SMAD2: variants seen among roughly 807,000 people sequenced by gnomAD.
SMAD2 encodes MAD homolog 2.
SMAD2 carries 8 observed loss-of-function variants against 64.4 expected under a neutral mutation model. The observed-to-expected ratio is 0.12, with a 90% CI of 0.07 to 0.22. SMAD2 has a LOEUF of 0.22. Ranked by LOEUF, SMAD2 falls within the 10% of genes least tolerant of loss-of-function variation. The probability of loss-of-function intolerance (pLI) is 1.00; values close to 1 mark genes in which losing one functional copy is unlikely to be tolerated. For missense variants in SMAD2, 289 were observed against 561.2 expected (o/e 0.51, Z 4.90); for synonymous variants, 203 against 195.8 (o/e 1.04, Z -0.31).
chr18:47,878,964 G>A (rs1787197), intron 2 of SMAD2, among the ~76,000 whole-genome samples: 84,798 of 151,960 alleles, frequency 0.56, 24,068 homozygotes, highest in East Asian at 0.82. Flanking sequence ...GTGAAACCCC[G>A]TCTCTATCAA....
intron 7 of SMAD2, among the ~76,000 whole-genome samples, chr18:47,850,377 A>ACAT (rs1915148936): frequency 6.4e-5 from 1 of 15,730 alleles, no homozygotes; most frequent in Non-Finnish European, 9.6e-5. Flanking sequence ...TATATATTAT[A>ACAT]TATATTATAT....
At chr18:47,929,027 G>C (rs1192216070) in intron 1 of SMAD2, among the ~76,000 whole-genome samples, 1 of 152,126 alleles carries the variant, frequency 6.6e-6, no homozygotes, top group African/African-American at 2.4e-5. Flanking sequence ...TAATATAAAC[G>C]TTTGCTAAAT....
chr18:47,811,527 G>A lies in SMAD2; in HGVS notation c.*30300C>T, dbSNP rs1280810553. 1 of 151,074 alleles carries A rather than the reference G, an allele frequency of 6.6e-6. No homozygotes were observed. Among genetic ancestry groups the A allele is most frequent in the Admixed American group, 6.6e-5 (1 of 15,170 alleles). The allele number at this position is 151,074 out of a possible 1,614,324, so 9.4% of individuals were successfully genotyped here. On this transcript the variant is annotated 3_prime_UTR_variant, in exon 11 of 11. Coordinates refer to ENST00000262160, the MANE Select transcript of SMAD2 (RefSeq NM_005901.6). ...AGGTAATTCTGAAATCCACAGCAAT[G>A]CTTCAGTGCTCCTAAGGGGCCGCTT...
At chr18:47,913,630 A>G (rs1050264898) in intron 1 of SMAD2, among the ~76,000 whole-genome samples, 2 of 152,240 alleles carry the variant, frequency 1.3e-5, no homozygotes, top group Admixed American at 6.5e-5. Context: ...TTTTTAGCCA[A>G]TATTTTTGAA....
At chr18:47,905,633 C>G (rs546131105) in intron 1 of SMAD2, among the ~76,000 whole-genome samples, 1 of 152,168 alleles carries the variant, frequency 6.6e-6, no homozygotes, top group Non-Finnish European at 1.5e-5. Flanking sequence ...CATATACAGT[C>G]AACTCATTTT....
chr18:47,870,328 G>A, intron 3 of SMAD2, 147 bp downstream of exon 3: 1 of 639,964 alleles, frequency 1.6e-6, no homozygotes. Flanking sequence ...TTTTATACTG[G>A]CAAGCAGATA....
Position 47,828,763 on chromosome 18 carries a change from T to G in SMAD2, c.*13064A>C, listed in dbSNP as rs1232763438. ...CTCGTTAAGAGTCATCACCACTCCT[T>G]AATCTCAAGTACCCAGGGACACAAA... On this transcript the variant is annotated 3_prime_UTR_variant, in exon 11 of 11. Coordinates refer to ENST00000262160, the MANE Select transcript of SMAD2 (RefSeq NM_005901.6). 1.1e-5 allele frequency: 2 copies of G among 180,872 alleles called. 1 individual carries two copies. Among genetic ancestry groups the G allele is most frequent in the African/African-American group, 4.8e-5 (2 of 41,592 alleles). The allele number at this position is 180,872 out of a possible 1,614,324, so 11.2% of individuals were successfully genotyped here.
Position 47,835,103 on chromosome 18 carries a change from TTTAC to T in SMAD2, c.*6720_*6723del. 1 of 219,648 alleles carries T rather than the reference TTTAC, an allele frequency of 4.6e-6. No homozygotes were observed. The highest frequency in any genetic ancestry group is 5.8e-5 in the Admixed American group (1 of 17,304). 13.6% of individuals were successfully genotyped at this position (219,648 alleles called of 1,614,324 possible). ...TCTTAATCGCTGTAGTTTTTCTTTC[TTTAC>T]TCTTTTGTATAAAAGGTTAGTGTCA... On this transcript the variant is annotated 3_prime_UTR_variant, in exon 11 of 11. Coordinates refer to ENST00000262160, the MANE Select transcript of SMAD2 (RefSeq NM_005901.6).
intron 1 of SMAD2, among the ~76,000 whole-genome samples, chr18:47,912,684 A>C (rs2034183728): frequency 6.6e-6 from 1 of 152,154 alleles, no homozygotes; most frequent in African/African-American, 2.4e-5. Context: ...TATCCTCAGA[A>C]CAAAACCTCT....
chr18:47,871,829 T>C (rs955197374), intron 2 of SMAD2, among the ~76,000 whole-genome samples: 2 of 152,130 alleles, frequency 1.3e-5, no homozygotes, highest in Non-Finnish European at 2.9e-5. Flanking sequence ...ATTGGAAACA[T>C]ATAGCATGAT....
intron 1 of SMAD2, among the ~76,000 whole-genome samples, chr18:47,916,538 G>T (rs2034343727): frequency 6.6e-6 from 1 of 151,980 alleles, no homozygotes; most frequent in Non-Finnish European, 1.5e-5. Context: ...CTGATTAGCT[G>T]GGATTACAGG....
chr18:47,891,261 C>T (rs1179016411), intron 2 of SMAD2, among the ~76,000 whole-genome samples: 2 of 152,162 alleles, frequency 1.3e-5, no homozygotes, highest in South Asian at 2.1e-4. Flanking sequence ...GCCGAGATCC[C>T]GCCACTGCAC....
intron 3 of SMAD2, 73 bp downstream of exon 3, chr18:47,870,402 C>G (rs2031860721): frequency 2.8e-6 from 3 of 1,065,220 alleles, no homozygotes; most frequent in Admixed American, 1.7e-5. Context: ...ACTAAGCAAC[C>G]CCATATAGGT....
intron 2 of SMAD2, among the ~76,000 whole-genome samples, chr18:47,891,850 AT>A (rs1272547905): frequency 6.6e-6 from 1 of 152,196 alleles, no homozygotes; most frequent in Non-Finnish European, 1.5e-5. Flanking sequence ...CAAAAGTCCT[AT>A]TTAAACATTT....
At chr18:47,863,242 T>C (rs560530050) in intron 6 of SMAD2, among the ~76,000 whole-genome samples, 2 of 152,276 alleles carry the variant, frequency 1.3e-5, no homozygotes, top group South Asian at 2.1e-4. Flanking sequence ...GAAACTGATA[T>C]TGGGTAAGAG....
intron 2 of SMAD2, chr18:47,895,725 G>C (rs539511012): frequency 6.6e-6 from 1 of 152,162 alleles, no homozygotes; most frequent in South Asian, 2.1e-4. Flanking sequence ...GTGTTATTGG[G>C]ATCTGTTATC....
Position 47,896,787 on chromosome 18 carries a change from G to A in SMAD2, c.-31C>T, listed in dbSNP as rs766156572. 9.3e-6 allele frequency: 15 copies of A among 1,607,542 alleles called. No homozygotes were observed. The African/African-American group carries it at 1.5e-4, about 16-fold the overall frequency. ...TACCAAAGGCAGCAAGCCACGCTAG[G>A]AAAACAGCCTCTTGTATCGAACCTA... is the stretch of plus-strand genomic sequence containing the variant. On this transcript the variant is annotated 5_prime_UTR_variant, in exon 2 of 11. Transcript: ENST00000262160.
intron 1 of SMAD2, among the ~76,000 whole-genome samples, chr18:47,923,913 A>C (rs904400439): frequency 6.6e-5 from 10 of 152,274 alleles, no homozygotes; most frequent in African/African-American, 1.9e-4. Flanking sequence ...AAAAAAGTTT[A>C]ATTGATCAGC....
In SMAD2 at chr18:47,820,794, A is replaced by G. The variant is rs1405337781; in HGVS notation, c.*21033T>C. 1 of 152,170 alleles carries G rather than the reference A, an allele frequency of 6.6e-6. No homozygotes were observed. 9.4% of individuals were successfully genotyped at this position (152,170 alleles called of 1,614,324 possible). ...TGAAATCATAAGACATTGAGCTTAC[A>G]TATATACTTGTACATATGTATATGT... On this transcript the variant is annotated 3_prime_UTR_variant, in exon 11 of 11. Coordinates refer to ENST00000262160, the MANE Select transcript of SMAD2 (RefSeq NM_005901.6).
Sources: gnomAD v4.1 joint callset for allele counts (sites outside exome capture counted in the v4.1 genomes callset) on GRCh38, gnomAD v4.1.1 for gene constraint, MANE v1.5 for transcripts, NCBI Gene and HGNC (gene_info 2026-07-23, HGNC 2026-07-21) for gene names.